ACSL4: variants seen among roughly 807,000 people sequenced by gnomAD.
ACSL4 encodes acyl-CoA synthetase long chain family member 4, also known as long-chain-fatty-acid--CoA ligase 4.
ACSL4 carries 9 observed loss-of-function variants against 49.1 expected under a neutral mutation model. The observed-to-expected ratio is 0.18, with a 90% confidence interval of 0.11 to 0.32. The LOEUF is 0.32. Among genes scored for constraint, ACSL4 ranks in the 10% least tolerant of loss-of-function variants. The pLI is 1.00. For synonymous variants in ACSL4, 191 were observed against 170.3 expected (o/e 1.12, Z -0.95); for missense variants, 333 against 493.7 (o/e 0.67, Z 3.08).
At chrX:109,650,970 G>A (rs185351562) in intron 15 of ACSL4, among the ~76,000 whole-genome samples, 1 of 112,128 alleles carries the variant, frequency 8.9e-6, no homozygotes, top group Non-Finnish European at 1.9e-5. Flanking sequence ...AGATAAAAAA[G>A]GGGATTGTGA....
rs146130015 is a variant in ACSL4 at position 109,684,894 on chromosome X, G to C, written c.-12-1519C>G. On this transcript the variant is annotated intron_variant, in intron 2 of 15. Coordinates refer to ENST00000672401, the MANE Select transcript of ACSL4 (RefSeq NM_001318510.2). ...AATAGCAAGGACACTAGTCTGACTGGGGCACAGCATACACTAAATACGCTA... is the reference window on the plus strand; with the variant it reads ...AATAGCAAGGACACTAGTCTGACTGCGGCACAGCATACACTAAATACGCTA... Among the ~76,000 whole-genome samples the C allele has an allele frequency of 9.0e-3, 994 of 110,273 alleles. 9 individuals carry two copies. The highest frequency in any genetic ancestry group is 0.031 in the African/African-American group (941 of 30,251).
intron 1 of ACSL4, among the ~76,000 whole-genome samples, chrX:109,729,106 A>C (rs5943426): frequency 0.45 from 48,594 of 107,954 alleles, 8,867 homozygotes; most frequent in Middle Eastern, 0.63. Flanking sequence ...GTAGTCCCAG[A>C]TACTTGGGAG....
intron 15 of ACSL4, among the ~76,000 whole-genome samples, chrX:109,645,292 T>G (rs773825413): frequency 0.01 from 1,142 of 111,598 alleles, 14 homozygotes; most frequent in Admixed American, 0.053. Flanking sequence ...TTTGAAGAGA[T>G]CAGTGGTTCT....
chrX:109,684,846 A>T (rs2147453783), intron 2 of ACSL4, among the ~76,000 whole-genome samples: 1 of 110,857 alleles, frequency 9.0e-6, no homozygotes, highest in African/African-American at 3.3e-5. Flanking sequence ...GAATGAAAGG[A>T]CTTTGGGAGA....
At chrX:109,660,920 G>A (rs771867867) in intron 14 of ACSL4, among the ~76,000 whole-genome samples, 2 of 110,869 alleles carry the variant, frequency 1.8e-5, no homozygotes, top group Non-Finnish European at 3.8e-5. Context: ...TGGTTCCCAG[G>A]GGAAGGAGGG....
chrX:109,643,851 A>C lies in ACSL4; in HGVS notation c.*178T>G. 1.9e-6 allele frequency: 1 copy of C among 529,967 alleles called. No individual in the cohort carries two copies. The highest frequency in any genetic ancestry group is 3.1e-6 in the Non-Finnish European group (1 of 321,016). The allele number at this position is 529,967 out of a possible 1,213,427, so 43.7% of individuals were successfully genotyped here. On this transcript the variant is annotated 3_prime_UTR_variant, in exon 16 of 16. Coordinates refer to ENST00000672401, the MANE Select transcript of ACSL4 (RefSeq NM_001318510.2). ...AATTTCAGCTGCACTAGAACTATGC[A>C]AAACTAAGTTAAAGTAAACCGGACA...
chrX:109,681,745 A>G (rs1275337864), intron 4 of ACSL4, among the ~76,000 whole-genome samples: 2 of 112,272 alleles, frequency 1.8e-5, no homozygotes, highest in East Asian at 5.6e-4. Context: ...TTCATTGGCC[A>G]TAGCCTCCAA....
At chrX:109,676,620 G>C (rs1262645090) in intron 8 of ACSL4, among the ~76,000 whole-genome samples, 1 of 110,746 alleles carries the variant, frequency 9.0e-6, no homozygotes, top group Non-Finnish European at 1.9e-5. Context: ...CCCTAAGCCT[G>C]GTTGAAGCTT....
intron 15 of ACSL4, among the ~76,000 whole-genome samples, chrX:109,648,197 C>A (rs968108559): frequency 9.0e-6 from 1 of 111,158 alleles, no homozygotes; most frequent in Admixed American, 9.5e-5. Context: ...ATCCTGATAC[C>A]AAAGCCTGGC....
chrX:109,699,344 G>A (rs1365507669), intron 1 of ACSL4, among the ~76,000 whole-genome samples: 2 of 111,525 alleles, frequency 1.8e-5, no homozygotes, highest in African/African-American at 3.3e-5. Context: ...AGTGAGACTC[G>A]GTCTCAAAAA....
chrX:109,699,303 T>G (rs1214949832), intron 1 of ACSL4, among the ~76,000 whole-genome samples: 1 of 111,884 alleles, frequency 8.9e-6, no homozygotes, highest in Non-Finnish European at 1.9e-5. Context: ...GGAGTCAAGA[T>G]CATGCCACCG....
Position 109,678,497 on chromosome X carries a change from G to A in ACSL4, c.656-82C>T. On this transcript the variant is annotated intron_variant, in intron 6 of 15. Transcript: ENST00000672401. ...AAGAATAATAGGATATTTAGATTTT[G>A]CATAACGATAAGCTATCAATAGACA... 4 of 1,098,892 alleles carry A rather than the reference G, an allele frequency of 3.6e-6. No homozygotes were observed. The South Asian group carries it at 5.6e-5, about 15-fold the overall frequency. 90.6% of individuals were successfully genotyped at this position (1,098,892 alleles called of 1,213,427 possible).
chrX:109,712,233 G>C (rs1324257966), intron 1 of ACSL4, among the ~76,000 whole-genome samples: 1 of 111,264 alleles, frequency 9.0e-6, no homozygotes, highest in Admixed American at 9.5e-5. Flanking sequence ...TGAGTAGCTG[G>C]GCCTACAGGC....
intron 2 of ACSL4, among the ~76,000 whole-genome samples, chrX:109,688,514 T>G (rs769359012): frequency 2.7e-5 from 3 of 111,745 alleles, no homozygotes; most frequent in Admixed American, 9.5e-5. Context: ...TTTCTATCTC[T>G]TTGGCACTCC....
chrX:109,658,997 C>T (rs1921941541), intron 15 of ACSL4, among the ~76,000 whole-genome samples: 1 of 112,160 alleles, frequency 8.9e-6, no homozygotes, highest in Admixed American at 9.4e-5. Context: ...AGTATACACA[C>T]AAAGCATAAT....
Position 109,668,235 on chromosome X carries a change from T to C in ACSL4, c.1181A>G (p.Asn394Ser). 1 of 1,207,390 alleles carries C rather than the reference T, an allele frequency of 8.3e-7. No homozygotes were observed. Among genetic ancestry groups the C allele is most frequent in the African/African-American group, 1.7e-5 (1 of 57,688 alleles). The change falls in exon 11 of 16, where the codon AAT becomes AGT. Residue 394 changes from asparagine (N) to serine (S), a missense_variant. Asn to Ser is a conservative substitution (Grantham distance 46). Transcript: ENST00000672401. ...FKKVKALLGGNVRMMLSGGAP... is the reference protein window; with the variant it reads ...FKKVKALLGGSVRMMLSGGAP... ...CCCTCCAGACAGCATCATGCGGACA[T>C]TCCCTCCCAGCAGGGCCTTGACCTT...
In ACSL4 at chrX:109,727,237, G is replaced by A. The variant is rs764325316; in HGVS notation, c.-66+5902C>T. Among the ~76,000 whole-genome samples the A allele has an allele frequency of 1.3e-4, 14 of 111,614 alleles. 3 individuals are homozygous for A. The highest frequency in any genetic ancestry group is 1.1e-3 in the South Asian group (3 of 2,733). On this transcript the variant is annotated intron_variant, in intron 1 of 15. Transcript: ENST00000672401. ...AAAGAACTAAAGTGTCAACTGCTTC[G>A]TTATAAAAAAGGAAGTTGTACAAAC...
chrX:109,645,555 A>G, intron 15 of ACSL4, among the ~76,000 whole-genome samples: 1 of 111,980 alleles, frequency 8.9e-6, no homozygotes, highest in Non-Finnish European at 1.9e-5. Context: ...AAGTAGATAA[A>G]ACCACAAAGA....
chrX:109,706,979 C>T (rs1926397002), intron 1 of ACSL4, among the ~76,000 whole-genome samples: 3 of 112,121 alleles, frequency 2.7e-5, no homozygotes, highest in African/African-American at 9.7e-5. Context: ...AAACATAAGT[C>T]TTACACACAG....
Sources: allele counts gnomAD v4.1 joint callset (sites outside exome capture counted in the v4.1 genomes callset), GRCh38; gene constraint gnomAD v4.1.1; transcripts MANE v1.5; gene names NCBI Gene and HGNC (gene_info 2026-07-23, HGNC 2026-07-21).